TBCD: variants seen among roughly 807,000 people sequenced by gnomAD.
TBCD encodes tubulin folding cofactor D.
In TBCD, 105 loss-of-function variants were observed where a neutral mutation model predicts 169.3. The observed-to-expected ratio is 0.62, with a 90% CI of 0.53 to 0.73. The LOEUF is 0.73. TBCD is among the 30% of genes least tolerant of loss of function. The pLI is 0.00. For synonymous variants in TBCD, 700 were observed against 643.9 expected (o/e 1.09, Z -1.32); for missense variants, 1,444 against 1,600.1 (o/e 0.90, Z 1.66).
intron 12 of TBCD, 88 bp from the exon 13 acceptor site, chr17:82,814,752 C>T: frequency 1.6e-6 from 2 of 1,287,450 alleles, no homozygotes; most frequent in Non-Finnish European, 2.2e-6. Context: ...GGATATGGAC[C>T]TGCCAGGCTG....
rs946690537 is a variant in TBCD at position 82,916,357 on chromosome 17, G to A, written c.2039-4199G>A. Among the ~76,000 whole-genome samples, 36 of 152,024 alleles carry A rather than the reference G, an allele frequency of 2.4e-4. 1 individual carries two copies. Among genetic ancestry groups the A allele is most frequent in the Admixed American group, 1.9e-3 (29 of 15,266 alleles). ...TCTCCCAGGTTCAAGTGTTTCTCCC[G>A]CCTCAGCCTCCCGAGTAGCTGGGAT... is the stretch of plus-strand genomic sequence containing the variant. On this transcript the variant is annotated intron_variant, in intron 23 of 38. Transcript: ENST00000355528.
rs180861858 is a variant in TBCD at position 82,904,957 on chromosome 17, C to T, written c.1805-979C>T. Among the ~76,000 whole-genome samples, 24 of 152,328 alleles carry T rather than the reference C, an allele frequency of 1.6e-4. No individual in the cohort carries two copies. The East Asian group carries it at 3.3e-3, about 21-fold the overall frequency. On this transcript the variant is annotated intron_variant, in intron 19 of 38. Coordinates refer to ENST00000355528, the MANE Select transcript of TBCD (RefSeq NM_005993.5). ...TAGATTTCTCTGATTCTCGAAAATC[C>T]GATCACCCCCAGCCGCCACATCTTA...
chr17:82,831,381 T>C lies in TBCD; in HGVS notation c.1318+16447T>C. 1.9e-6 allele frequency: 3 copies of C among 1,614,136 alleles called. No homozygotes were observed. The highest frequency in any genetic ancestry group is 2.2e-5 in the South Asian group (2 of 91,074). On this transcript the variant is annotated intron_variant, in intron 13 of 38. Coordinates refer to ENST00000355528, the MANE Select transcript of TBCD (RefSeq NM_005993.5). The surrounding 1 kb of genome is among the most constrained non-coding windows in gnomAD (Gnocchi z 4.6). ...GGTTTAACCTGGAAGGACTCGAGGC[T>C]GGATAGACCAGGGTGGCTTCTTCAA...
intron 35 of TBCD, chr17:82,937,775 G>GGT: frequency 8.4e-7 from 1 of 1,196,458 alleles, no homozygotes. Flanking sequence ...GGCTCCTTGA[G>GGT]GTGGGGGTCC....
intron 13 of TBCD, among the ~76,000 whole-genome samples, chr17:82,868,423 C>T (rs1488377777): frequency 2.6e-5 from 4 of 152,148 alleles, no homozygotes; most frequent in African/African-American, 4.8e-5. Context: ...CAGCGCCCTG[C>T]GTCGTGGCTG....
intron 2 of TBCD, among the ~76,000 whole-genome samples, chr17:82,763,574 C>CG (rs1407497194): frequency 6.6e-6 from 1 of 152,042 alleles, no homozygotes; most frequent in Non-Finnish European, 1.5e-5. Flanking sequence ...AACCCCGTCT[C>CG]TACTAAAAAT....
Position 82,782,964 on chromosome 17 carries a change from G to C in TBCD, c.771+1243G>C, listed in dbSNP as rs1444616040. ...CTGTCCGCGGTGCCCTCCTGTCCAT[G>C]GTGGCCTCCTGTCCGCTGTGCCCTC... On this transcript the variant is annotated intron_variant, in intron 7 of 38. Coordinates refer to ENST00000355528, the MANE Select transcript of TBCD (RefSeq NM_005993.5). This position sits in a 1 kb window ranked among gnomAD's most constrained non-coding sequence, Gnocchi z 5.1. Among the ~76,000 whole-genome samples, 2 of 151,596 alleles carry C rather than the reference G, an allele frequency of 1.3e-5. No individual in the cohort carries two copies. Among genetic ancestry groups the C allele is most frequent in the Non-Finnish European group, 2.9e-5 (2 of 67,908 alleles).
chr17:82,941,782 G>T (rs551693995), intron 38 of TBCD: 7 of 435,520 alleles, frequency 1.6e-5, no homozygotes, highest in Middle Eastern at 5.9e-4. Context: ...GGGTCTGTTT[G>T]TGCTCCAAGT....
At chr17:82,878,784 C>G (rs2146139629) in intron 14 of TBCD, among the ~76,000 whole-genome samples, 1 of 152,244 alleles carries the variant, frequency 6.6e-6, no homozygotes, top group Non-Finnish European at 1.5e-5. Flanking sequence ...GTTGTGTGGT[C>G]TGGTGGTGGT....
intron 9 of TBCD, among the ~76,000 whole-genome samples, chr17:82,805,300 G>T (rs772623332): frequency 6.6e-6 from 1 of 152,224 alleles, no homozygotes; most frequent in Non-Finnish European, 1.5e-5. Context: ...CTGACCAGGA[G>T]CCAGGTCCCA....
chr17:82,872,696 TC>T (rs1157220851), intron 14 of TBCD, among the ~76,000 whole-genome samples: 11 of 152,362 alleles, frequency 7.2e-5, no homozygotes, highest in Admixed American at 3.9e-4. Flanking sequence ...CGAGAAAACT[TC>T]CTTACGTTGA....
chr17:82,847,035 C>T (rs921322650), intron 13 of TBCD, among the ~76,000 whole-genome samples: 7 of 152,256 alleles, frequency 4.6e-5, no homozygotes, highest in South Asian at 2.1e-4. Flanking sequence ...TACAGGTGGC[C>T]GAGGAGACAT....
chr17:82,822,985 C>T (rs918154925), intron 13 of TBCD, among the ~76,000 whole-genome samples: 12 of 152,184 alleles, frequency 7.9e-5, no homozygotes, highest in East Asian at 1.9e-4. Flanking sequence ...CATGGAAACC[C>T]GCAGAGGCTC....
At chr17:82,840,971 T>G (rs1043078633) in intron 13 of TBCD, among the ~76,000 whole-genome samples, 12 of 139,566 alleles carry the variant, frequency 8.6e-5, no homozygotes, top group African/African-American at 1.3e-4. Flanking sequence ...TTTTTTTTTT[T>G]TTTTTTTTTT....
At chr17:82,869,303 C>T (rs1178052496) in intron 13 of TBCD, among the ~76,000 whole-genome samples, 1 of 152,204 alleles carries the variant, frequency 6.6e-6, no homozygotes, top group Non-Finnish European at 1.5e-5. Flanking sequence ...AAAATCCTCT[C>T]ATGTCTATGT....
intron 15 of TBCD, among the ~76,000 whole-genome samples, chr17:82,887,191 A>G (rs369630804): frequency 2.0e-4 from 26 of 128,678 alleles, no homozygotes; most frequent in South Asian, 1.9e-3. Flanking sequence ...ACGTGCGCTC[A>G]CGCGTTTACT....
chr17:82,805,782 C>G (rs756067557), intron 9 of TBCD, 93 bp from the exon 10 acceptor site: 369 of 1,451,964 alleles, frequency 2.5e-4, no homozygotes, highest in Non-Finnish European at 3.2e-4. Flanking sequence ...CACAGGCACG[C>G]TTTAAGATTC....
chr17:82,921,307 A>G (rs372514482), intron 24 of TBCD, 194 bp from the exon 25 acceptor site: 27 of 597,786 alleles, frequency 4.5e-5, no homozygotes, highest in Non-Finnish European at 3.9e-5. Flanking sequence ...AGCTTACACA[A>G]TTTAACAGCC....
chr17:82,868,659 G>C (rs1393328986), intron 13 of TBCD, among the ~76,000 whole-genome samples: 1 of 152,186 alleles, frequency 6.6e-6, no homozygotes, highest in Non-Finnish European at 1.5e-5. Context: ...AAGATCCTTA[G>C]ATGCAAAAAG....
Sources: allele counts gnomAD v4.1 joint callset (sites outside exome capture counted in the v4.1 genomes callset), GRCh38; gene constraint gnomAD v4.1.1; non-coding constraint Gnocchi (gnomAD v3.1); transcripts MANE v1.5; gene names NCBI Gene and HGNC (gene_info 2026-07-23, HGNC 2026-07-21).